Variants in RANBP2 observed in about 807,000 individuals in gnomAD.
RANBP2 encodes the protein RAN binding protein 2.
Under a neutral mutation model 303.6 loss-of-function variants are expected in RANBP2, and 57 were observed. That is an observed-to-expected ratio of 0.19 (90% CI 0.15 to 0.23). RANBP2 has a LOEUF of 0.23. RANBP2 is among the 10% of genes least tolerant of loss of function. The pLI, the probability that RANBP2 is intolerant of heterozygous loss-of-function variation, is 1.00. For missense variants in RANBP2, 3,138 were observed against 3,780.8 expected (o/e 0.83, Z 4.46); for synonymous variants, 1,167 against 1,301.5 (o/e 0.90, Z 2.23).
At chr2:109,650,609 G>A in the RANBP2 span, among the ~76,000 whole-genome samples, 55 of 152,262 alleles carry the variant, frequency 3.6e-4, no homozygotes, top group Admixed American at 2.0e-3. Context: ...CATAATCCCC[G>A]TGTGTTGTGG....
chr2:109,509,655 C>G, the RANBP2 span, among the ~76,000 whole-genome samples: 4 of 152,042 alleles, frequency 2.6e-5, no homozygotes, highest in Admixed American at 2.6e-4. Context: ...GAATAACATA[C>G]ATGACATGTC....
At chr2:109,511,865 C>T in the RANBP2 span, among the ~76,000 whole-genome samples, 6 of 152,258 alleles carry the variant, frequency 3.9e-5, no homozygotes, top group East Asian at 1.2e-3. Context: ...GAGAGCACAC[C>T]CAGGAGGCCG....
the RANBP2 span, among the ~76,000 whole-genome samples, chr2:109,338,453 C>T: frequency 2.0e-5 from 3 of 151,838 alleles, no homozygotes; most frequent in African/African-American, 7.2e-5. Flanking sequence ...TTTACATGCT[C>T]ACAGATACTT....
At chr2:109,254,174 A>G in the RANBP2 span, among the ~76,000 whole-genome samples, 2 of 152,060 alleles carry the variant, frequency 1.3e-5, no homozygotes, top group African/African-American at 4.8e-5. Flanking sequence ...AGAAAATCAC[A>G]TTTTTCTTCT....
chr2:109,197,877 G>A, the RANBP2 span, among the ~76,000 whole-genome samples: 1 of 152,226 alleles, frequency 6.6e-6, no homozygotes, highest in South Asian at 2.1e-4. Context: ...TTGCACAGAA[G>A]ACTGCACTTG....
chr2:108,893,071 G>A, the RANBP2 span, among the ~76,000 whole-genome samples: 2 of 152,310 alleles, frequency 1.3e-5, no homozygotes, highest in African/African-American at 2.4e-5. Context: ...GATAAAAGAA[G>A]GGTCACCTAA....
the RANBP2 span, among the ~76,000 whole-genome samples, chr2:109,563,174 G>C: frequency 6.6e-6 from 1 of 152,154 alleles, no homozygotes; most frequent in Non-Finnish European, 1.5e-5. Context: ...GCCTCCCAAA[G>C]TGCTGGGATT....
At chr2:109,420,530 C>G in the RANBP2 span, among the ~76,000 whole-genome samples, 2 of 152,134 alleles carry the variant, frequency 1.3e-5, no homozygotes, top group South Asian at 4.1e-4. Flanking sequence ...ACTGCAAGCT[C>G]CGCCCCCCAG....
At chr2:109,567,790 A>G in the RANBP2 span, 3 of 1,543,744 alleles carry the variant, frequency 1.9e-6, no homozygotes, top group Admixed American at 5.9e-5. Flanking sequence ...TGGAAAACAG[A>G]ATTAACATTC....
chr2:108,836,557 T>G, the RANBP2 span, among the ~76,000 whole-genome samples: 1 of 152,342 alleles, frequency 6.6e-6, no homozygotes, highest in East Asian at 1.9e-4. Flanking sequence ...AGTTCTATTT[T>G]CAATTTTTGA....
chr2:108,744,376 C>T (rs959994808), intron 7 of RANBP2, among the ~76,000 whole-genome samples: 4 of 150,932 alleles, frequency 2.7e-5, no homozygotes, highest in African/African-American at 9.8e-5. Flanking sequence ...TGCAGCACTG[C>T]AGCCTGGCGA....
At chr2:108,826,412 G>GC in the RANBP2 span, among the ~76,000 whole-genome samples, 2 of 152,032 alleles carry the variant, frequency 1.3e-5, no homozygotes, top group African/African-American at 4.8e-5. Flanking sequence ...GGCCTTTGAT[G>GC]CATTTTGAGT....
chr2:109,324,594 T>C, the RANBP2 span, among the ~76,000 whole-genome samples: 1 of 152,242 alleles, frequency 6.6e-6, no homozygotes, highest in African/African-American at 2.4e-5. Flanking sequence ...TGTTGACTAA[T>C]ATTTGCAAAG....
the RANBP2 span, among the ~76,000 whole-genome samples, chr2:109,123,978 A>C: frequency 7.0e-6 from 1 of 142,396 alleles, no homozygotes; most frequent in African/African-American, 2.7e-5. Flanking sequence ...TTTTCTTTTC[A>C]GTTTTATTTA....
At chr2:109,314,007 T>C in the RANBP2 span, among the ~76,000 whole-genome samples, 17,532 of 151,468 alleles carry the variant, frequency 0.12, 1,243 homozygotes, top group East Asian at 0.27. Flanking sequence ...CAAGAAGGAG[T>C]ACCAGGCTGT....
At chr2:109,615,821 G>C in the RANBP2 span, 7 of 1,614,022 alleles carry the variant, frequency 4.3e-6, no homozygotes, top group African/African-American at 8.0e-5. Flanking sequence ...ATCACCACTC[G>C]GCTGAGGGGT....
chr2:109,620,606 G>T, the RANBP2 span, among the ~76,000 whole-genome samples: 104 of 152,282 alleles, frequency 6.8e-4, no homozygotes, highest in African/African-American at 2.5e-3. Flanking sequence ...GGAGGCTAAG[G>T]CAGGAGAATC....
the RANBP2 span, among the ~76,000 whole-genome samples, chr2:109,194,893 A>G: frequency 6.6e-6 from 1 of 152,142 alleles, no homozygotes; most frequent in South Asian, 2.1e-4. Context: ...TAAAAATGCT[A>G]CTTGGAAAAG....
chr2:109,242,987 G>A, the RANBP2 span, among the ~76,000 whole-genome samples: 1 of 152,252 alleles, frequency 6.6e-6, no homozygotes, highest in Non-Finnish European at 1.5e-5. Flanking sequence ...GTGACTCATG[G>A]TTCTGTTATT....
Sources: gnomAD v4.1 joint callset for allele counts (sites outside exome capture counted in the v4.1 genomes callset) on GRCh38, gnomAD v4.1.1 for gene constraint, MANE v1.5 for transcripts, NCBI Gene and HGNC (gene_info 2026-07-23, HGNC 2026-07-21) for gene names.